STAB1: variants seen among roughly 807,000 people sequenced by gnomAD.
STAB1 encodes the protein stabilin 1.
A neutral mutation model predicts 332.4 loss-of-function variants in STAB1; 250 were observed. The observed-to-expected ratio is 0.75, with a 90% CI of 0.68 to 0.84. STAB1 has a LOEUF of 0.84. STAB1 is among the 40% of genes least tolerant of loss of function. The pLI is 0.00. For missense variants in STAB1, 3,249 were observed against 3,489.7 expected (o/e 0.93, Z 1.74); for synonymous variants, 1,475 against 1,390.4 (o/e 1.06, Z -1.35).
chr3:52,520,570 A>G, intron 53 of STAB1, 21 bp downstream of exon 53: 1 of 1,610,710 alleles, frequency 6.2e-7, no homozygotes, highest in Non-Finnish European at 8.5e-7. Flanking sequence ...CCAGAGGCAG[A>G]CGGGCAGAAG....
intron 46 of STAB1, 47 bp from the exon 47 acceptor site, chr3:52,518,489 G>A (rs1559712262): frequency 1.9e-6 from 3 of 1,562,590 alleles, no homozygotes; most frequent in Admixed American, 1.9e-5. Context: ...ATCCATGGAC[G>A]CCTCAGGCTT....
In STAB1 at chr3:52,523,035, C is replaced by A. The variant is rs1463126765; in HGVS notation, c.6921C>A (p.Cys2307Ter). Residue 2307 changes from cysteine to a stop codon, truncating the protein, a stop_gained, in exon 63 of 69, where the codon TGC (cysteine) becomes TGA (stop). Coordinates refer to ENST00000321725, the MANE Select transcript of STAB1 (RefSeq NM_015136.3). LOFTEE classifies it high-confidence loss of function. ...CTGCTTTTCCTGCAGATGTGGCCTG[C>A]CGATGCCGAAATGGCTTCGTGGGTG... ...AYCFRVQDVA[C>*]RCRNGFVGDG... The A allele has an allele frequency of 1.8e-5, 28 of 1,573,850 alleles. No individual in the cohort carries two copies. Among genetic ancestry groups the A allele is most frequent in the Non-Finnish European group, 2.3e-5 (27 of 1,157,014 alleles).
chr3:52,497,076 A>T (rs1200896946), intron 1 of STAB1, among the ~76,000 whole-genome samples: 1 of 152,190 alleles, frequency 6.6e-6, no homozygotes, highest in Non-Finnish European at 1.5e-5. Context: ...ATCTCGGCTC[A>T]GTGAAATCTC....
In STAB1 at chr3:52,516,339, C is replaced by T; in HGVS notation, c.4145-17C>T. On this transcript the variant is annotated splice_polypyrimidine_tract_variant and intron_variant, in intron 38 of 68. Coordinates refer to ENST00000321725, the MANE Select transcript of STAB1 (RefSeq NM_015136.3). ...GGAGGCACTGGGCAACTCCTATCCT[C>T]CTTTATACCACTGCAGTGTGTGACT... 1.2e-6 allele frequency: 2 copies of T among 1,605,978 alleles called. No homozygotes were observed. Among genetic ancestry groups the T allele is most frequent in the Non-Finnish European group, 8.5e-7 (1 of 1,174,692 alleles).
Position 52,518,852 on chromosome 3 carries a change from C to G in STAB1, c.5017C>G (p.Arg1673Gly). 7 of 1,598,990 alleles carry G rather than the reference C, an allele frequency of 4.4e-6. No individual in the cohort carries two copies. Among genetic ancestry groups the G allele is most frequent in the Non-Finnish European group, 6.0e-6 (7 of 1,176,304 alleles). ...CACGGCCCTCTCAGGGCACCCACTGCGCTTCAGCGAGAGGGAGGTGAGCCC... is the reference window on the plus strand; with the variant it reads ...CACGGCCCTCTCAGGGCACCCACTGGGCTTCAGCGAGAGGGAGGTGAGCCC... ...YATALSGHPL[R>G]FSEREGSIYL... is the part of the protein sequence containing the mutation. Residue 1673 changes from arginine to glycine, a missense_variant, in exon 48 of 69, where the codon CGC becomes GGC. Transcript: ENST00000321725.
chr3:52,522,420 G>T lies in STAB1; in HGVS notation c.6556G>T (p.Gly2186Cys), dbSNP rs768006136. 3 of 1,612,850 alleles carry T rather than the reference G, an allele frequency of 1.9e-6. No individual in the cohort carries two copies. Among genetic ancestry groups the T allele is most frequent in the Non-Finnish European group, 2.5e-6 (3 of 1,180,018 alleles). Reference protein sequence around the residue: ...ESEPPVDRCLGQPPPCHSDAM... With the variant: ...ESEPPVDRCLCQPPPCHSDAM... ...GGAACCACCTGTGGACCGCTGCTTG[G>T]GCCAGCCACCGCCCTGCCACTCAGA... is the stretch of plus-strand genomic sequence containing the variant. The change falls in exon 60 of 69, where the codon GGC (glycine) becomes TGC (cysteine). Residue 2186 changes from glycine to cysteine, a missense_variant. Transcript: ENST00000321725.
chr3:52,520,806 C>A lies in STAB1; in HGVS notation c.5709C>A (p.Gly1903=), dbSNP rs764972625. The A allele has an allele frequency of 6.2e-7, 1 of 1,612,698 alleles. No individual in the cohort carries two copies. The change falls in exon 55 of 69, where the codon GGC becomes GGA. Residue 1903 remains glycine (G), a splice_region_variant and synonymous_variant. Coordinates refer to ENST00000321725, the MANE Select transcript of STAB1 (RefSeq NM_015136.3). ...GCGGCCTGACTCCTTTGGCCCAGGG[C>A]AGCCCTGAGGCCTGCTGGCGCTTCT... The part of the protein sequence containing the change: ...PPCPEGSQEQ[G]SPEACWRFYP...
Position 52,502,044 on chromosome 3 carries a change from G to T in STAB1, c.370G>T (p.Gly124Trp). The T allele has an allele frequency of 6.2e-7, 1 of 1,613,402 alleles. No individual in the cohort carries two copies. Among genetic ancestry groups the T allele is most frequent in the Non-Finnish European group, 8.5e-7 (1 of 1,180,016 alleles). Residue 124 changes from glycine (G) to tryptophan (W), a missense_variant, in exon 4 of 69, where the codon GGG becomes TGG. By Grantham distance (184) the Gly-to-Trp change is radical (BLOSUM62 -2). Transcript: ENST00000321725. ...GGAETPCNGH[G>W]TCLDGMDRNG... ...CGCTGAGACCCCATGCAATGGCCAC[G>T]GGACCTGCTTGGATGGCATGGACAG...
chr3:52,513,837 G>T, intron 31 of STAB1, 43 bp downstream of exon 31: 1 of 1,612,966 alleles, frequency 6.2e-7, no homozygotes, highest in Non-Finnish European at 8.5e-7. Flanking sequence ...TTGCAGGCAG[G>T]CCGTGAAGCA....
chr3:52,497,054 G>T (rs1016406127), intron 1 of STAB1, among the ~76,000 whole-genome samples: 5 of 152,140 alleles, frequency 3.3e-5, no homozygotes, highest in Non-Finnish European at 7.4e-5. Context: ...CAGGCTGGAG[G>T]GCAGTGGCGT....
chr3:52,495,527 TG>T, intron 1 of STAB1, 36 bp downstream of exon 1: 1 of 1,297,870 alleles, frequency 7.7e-7, no homozygotes, highest in Non-Finnish European at 9.9e-7. Context: ...ACACGGCGTC[TG>T]GGCCCTGCCG....
At chr3:52,522,520 C>T (rs1230517797) in intron 60 of STAB1, 35 bp from the exon 61 acceptor site, 1 of 1,613,070 alleles carries the variant, frequency 6.2e-7, no homozygotes, top group Admixed American at 1.7e-5. Flanking sequence ...TTCCTCAGAG[C>T]CGGCCAGCTG....
chr3:52,513,989 A>G lies in STAB1; in HGVS notation c.3447+8A>G. 1 of 1,596,068 alleles carries G rather than the reference A, an allele frequency of 6.3e-7. No homozygotes were observed. Among genetic ancestry groups the G allele is most frequent in the Non-Finnish European group, 8.6e-7 (1 of 1,167,876 alleles). ...TTCCGGGAATTGCTGCAGGTACGGA[A>G]GGCTGGCAAGAGGGGATGTGCCTGC... is the stretch of plus-strand genomic sequence containing the variant. On this transcript the variant is annotated splice_region_variant and intron_variant, in intron 32 of 68. Coordinates refer to ENST00000321725, the MANE Select transcript of STAB1 (RefSeq NM_015136.3).
intron 1 of STAB1, among the ~76,000 whole-genome samples, chr3:52,499,259 T>A (rs1708260492): frequency 6.6e-6 from 1 of 152,206 alleles, no homozygotes; most frequent in Non-Finnish European, 1.5e-5. Context: ...TCACGCCTCC[T>A]GGTTCAGTGC....
chr3:52,518,901 TCCCGC>T lies in STAB1; in HGVS notation c.5034+46_5034+50del, dbSNP rs759365791. 3.4e-4 allele frequency: 343 copies of T among 1,018,478 alleles called. 2 individuals are homozygous for T. The East Asian group carries it at 0.01, about 30-fold the overall frequency. 63.1% of individuals were successfully genotyped at this position (1,018,478 alleles called of 1,614,324 possible). On this transcript the variant is annotated intron_variant, in intron 48 of 68. Transcript: ENST00000321725. ...CCTGGCCCTGGCCTGCCCCGCTCCA[TCCCGC>T]CCCGCCCCGCCCCTGCGCGCCATTG...
rs777339391 is a variant in STAB1 at position 52,502,260 on chromosome 3, A to G, written c.487+32A>G. The G allele has an allele frequency of 2.5e-6, 4 of 1,602,572 alleles. No individual in the cohort carries two copies. In the South Asian group the frequency reaches 4.4e-5, roughly 18 times the overall value. On this transcript the variant is annotated intron_variant, in intron 5 of 68. Transcript: ENST00000321725. Reference sequence around the variant, plus strand: ...GCTTAAAAGGCAAGAGGGCACGGCCAGCGTCCACCTGGGGGCCCACGCAGA... The same window carrying G: ...GCTTAAAAGGCAAGAGGGCACGGCCGGCGTCCACCTGGGGGCCCACGCAGA...
chr3:52,504,739 G>A lies in STAB1; in HGVS notation c.1240G>A (p.Ala414Thr), dbSNP rs1708721073. The change falls in exon 12 of 69, where the codon GCA becomes ACA. Residue 414 changes from alanine to threonine, a missense_variant and splice_region_variant. Physicochemically the swap from Ala to Thr is moderately conservative, Grantham distance 58. Transcript: ENST00000321725. Reference protein sequence around the residue: ...VSSFSSRTMNASLAQQLCRQH... With the variant: ...VSSFSSRTMNTSLAQQLCRQH... ...TTTGCTCCCCGCCTTGCGTCTGCAG[G>A]CATCCCTTGCCCAGCAGCTCTGTAG... is the stretch of plus-strand genomic sequence containing the variant. The A allele has an allele frequency of 1.2e-6, 2 of 1,613,602 alleles. No homozygotes were observed. Among genetic ancestry groups the A allele is most frequent in the Admixed American group, 3.3e-5 (2 of 60,014 alleles).
At chr3:52,516,874 T>C in intron 41 of STAB1, 106 bp downstream of exon 41, 1 of 1,598,598 alleles carries the variant, frequency 6.3e-7, no homozygotes, top group South Asian at 1.1e-5. Context: ...CTGTCCCATC[T>C]CAGGACTCAC....
chr3:52,501,391 G>T, intron 2 of STAB1, 89 bp downstream of exon 2: 1 of 1,555,666 alleles, frequency 6.4e-7, no homozygotes. Context: ...ACAAAATGAG[G>T]AGAAGCACTC....
Sources: gnomAD v4.1 joint callset for allele counts (sites outside exome capture counted in the v4.1 genomes callset) on GRCh38, gnomAD v4.1.1 for gene constraint, MANE v1.5 for transcripts, NCBI Gene and HGNC (gene_info 2026-07-23, HGNC 2026-07-21) for gene names.